MAP4K4: variants seen among roughly 807,000 people sequenced by gnomAD.
The protein encoded by MAP4K4 is mitogen-activated protein kinase kinase kinase kinase 4.
In MAP4K4, 38 loss-of-function variants were observed where a neutral mutation model predicts 189.6. The ratio of observed to expected loss-of-function variants is 0.20; its 90% CI spans 0.15 to 0.26. The LOEUF is 0.26. Ranked by LOEUF, MAP4K4 falls within the 10% of genes least tolerant of loss-of-function variation. MAP4K4 has a pLI of 1.00. For synonymous variants in MAP4K4, 610 were observed against 624.3 expected, an observed-to-expected ratio of 0.98 and a Z score of 0.34; for missense variants, 1,054 against 1,726.9, an observed-to-expected ratio of 0.61 and a Z score of 6.91.
intron 3 of MAP4K4, among the ~76,000 whole-genome samples, chr2:101,818,366 C>T (rs951789136): frequency 1.3e-5 from 2 of 152,078 alleles, no homozygotes; most frequent in African/African-American, 4.8e-5. Flanking sequence ...AACAGTCAGT[C>T]GCCTTTTTCT....
intron 30 of MAP4K4, 86 bp from the exon 31 acceptor site, chr2:101,887,692 C>T (rs1205700759): frequency 1.1e-6 from 1 of 921,304 alleles, no homozygotes; most frequent in Non-Finnish European, 1.6e-6. Context: ...GGTACCAGTG[C>T]ATTCACTAAG....
At chr2:101,711,571 T>C (rs903751575) in intron 2 of MAP4K4, among the ~76,000 whole-genome samples, 3 of 152,142 alleles carry the variant, frequency 2.0e-5, no homozygotes, top group Non-Finnish European at 4.4e-5. Context: ...TTTGATAATA[T>C]GGACAAAAGA....
At position 101,859,877 on chromosome 2, in the gene MAP4K4, C is replaced by G. The variant is rs549136738; in HGVS notation, c.1704+13C>G. ...CCGAGCGCGAGAGGTATCCTCTTTC[C>G]TTTGTCACTTAGACATTGCCCTGGA... On this transcript the variant is annotated intron_variant, in intron 15 of 32. Coordinates refer to ENST00000324219, the Ensembl canonical transcript of MAP4K4. 2.5e-6 allele frequency: 4 copies of G among 1,583,682 alleles called. No individual in the cohort carries two copies. The highest frequency in any genetic ancestry group is 1.3e-5 in the African/African-American group (1 of 74,394).
intron 13 of MAP4K4, 123 bp from the exon 14 acceptor site, chr2:101,858,873 A>T (rs1198905231): frequency 9.0e-6 from 6 of 666,660 alleles, no homozygotes; most frequent in Non-Finnish European, 1.6e-5. Context: ...TTCTTCAGGT[A>T]TTTACCACTA....
At chr2:101,754,255 T>G (rs1261345594) in intron 2 of MAP4K4, among the ~76,000 whole-genome samples, 2 of 152,004 alleles carry the variant, frequency 1.3e-5, no homozygotes, top group Admixed American at 1.3e-4. Context: ...TTCTGCCAAC[T>G]CTGGGAAATC....
intron 2 of MAP4K4, among the ~76,000 whole-genome samples, chr2:101,784,515 C>G (rs777345074): frequency 1.3e-5 from 2 of 151,942 alleles, no homozygotes; most frequent in Non-Finnish European, 2.9e-5. Flanking sequence ...TTAAACTCAG[C>G]AGATAAAAGG....
Position 101,819,993 on chromosome 2 carries a change from A to G in MAP4K4, c.181-3935A>G, listed in dbSNP as rs561009714. Among the ~76,000 whole-genome samples the G allele has an allele frequency of 2.0e-5, 3 of 152,342 alleles. No individual in the cohort carries two copies. In the East Asian group the frequency reaches 5.8e-4, roughly 29 times the overall value. ...TCGGGAGTTTTCACACCGGTGGACA[A>G]TATGGAATTTAAGAGTATAAGAACT... is the stretch of plus-strand genomic sequence containing the variant. On this transcript the variant is annotated intron_variant, in intron 3 of 32. Transcript: ENST00000324219.
chr2:101,887,716 A>G, intron 30 of MAP4K4, 62 bp from the exon 31 acceptor site: 3 of 1,350,134 alleles, frequency 2.2e-6, no homozygotes, highest in Non-Finnish European at 2.0e-6. Flanking sequence ...CTTACTGAGC[A>G]CTTGCACAGG....
At chr2:101,805,615 G>A (rs779790251) in intron 3 of MAP4K4, among the ~76,000 whole-genome samples, 43 of 152,192 alleles carry the variant, frequency 2.8e-4, no homozygotes, top group Non-Finnish European at 5.4e-4. Context: ...AGATGCTGAG[G>A]TGCAGGTTAT....
chr2:101,867,345 G>C, intron 20 of MAP4K4, 36 bp downstream of exon 20: 2 of 1,456,890 alleles, frequency 1.4e-6, no homozygotes, highest in Non-Finnish European at 1.9e-6. Context: ...ACTTATTTCA[G>C]ACTTGAATGA....
chr2:101,860,016 A>G, intron 15 of MAP4K4, 152 bp downstream of exon 15: 1 of 813,582 alleles, frequency 1.2e-6, no homozygotes, highest in Non-Finnish European at 2.0e-6. Flanking sequence ...ATTTCAGAGG[A>G]GTGGAGGGCC....
intron 12 of MAP4K4, among the ~76,000 whole-genome samples, chr2:101,846,193 G>T (rs1380628771): frequency 6.6e-6 from 1 of 152,164 alleles, no homozygotes; most frequent in African/African-American, 2.4e-5. Context: ...ATTCCTTGTG[G>T]TATTTTTGTT....
chr2:101,740,308 T>A (rs1056961445), intron 2 of MAP4K4, among the ~76,000 whole-genome samples: 3 of 126,758 alleles, frequency 2.4e-5, no homozygotes, highest in Non-Finnish European at 4.5e-5. Context: ...CGCCCGCCAC[T>A]ACGCCCGGCT....
intron 3 of MAP4K4, among the ~76,000 whole-genome samples, chr2:101,816,869 A>G (rs1265548005): frequency 1.3e-5 from 2 of 152,150 alleles, no homozygotes; most frequent in Non-Finnish European, 2.9e-5. Context: ...AAGCAGGGAA[A>G]CTGGCAGTGA....
intron 2 of MAP4K4, among the ~76,000 whole-genome samples, chr2:101,777,845 G>A (rs1057213044): frequency 6.6e-6 from 1 of 152,130 alleles, no homozygotes; most frequent in African/African-American, 2.4e-5. Context: ...AATCATGACC[G>A]TTTTATAGTA....
intron 2 of MAP4K4, among the ~76,000 whole-genome samples, chr2:101,761,540 TG>T (rs2076397611): frequency 6.7e-6 from 1 of 150,346 alleles, no homozygotes; most frequent in African/African-American, 2.5e-5. Context: ...ATGGGGAGTA[TG>T]GGAGCATTCT....
exon 16 of MAP4K4, chr2:101,860,880 A>G: frequency 6.2e-7 from 1 of 1,609,224 alleles, no homozygotes; most frequent in Non-Finnish European, 8.5e-7. Context: ...CAGTCTAAGC[A>G]GACAGGCAGA....
chr2:101,829,938 C>A (rs1486282387), intron 6 of MAP4K4, among the ~76,000 whole-genome samples: 1 of 152,196 alleles, frequency 6.6e-6, no homozygotes, highest in Non-Finnish European at 1.5e-5. Flanking sequence ...TAGGATCTGA[C>A]CCGTGCTACT....
intron 16 of MAP4K4, chr2:101,861,746 G>A (rs1449422159): frequency 2.0e-5 from 3 of 152,172 alleles, no homozygotes; most frequent in Non-Finnish European, 4.4e-5. Context: ...TCCTTAAAAT[G>A]CCGATTCCTA....
Sources: gnomAD v4.1 joint callset for allele counts (sites outside exome capture counted in the v4.1 genomes callset) on GRCh38, gnomAD v4.1.1 for gene constraint, MANE v1.5 for transcripts, NCBI Gene and HGNC (gene_info 2026-07-23, HGNC 2026-07-21) for gene names.